TENM2: variants seen among roughly 807,000 people sequenced by gnomAD.
TENM2 encodes teneurin transmembrane protein 2, also known as teneurin-2.
A neutral mutation model predicts 245.2 loss-of-function variants in TENM2; 52 were observed. The ratio of observed to expected loss-of-function variants is 0.21; its 90% confidence interval spans 0.17 to 0.27. The LOEUF is 0.27. Among genes scored for constraint, TENM2 ranks in the 10% least tolerant of loss-of-function variants. TENM2 has a pLI of 1.00. For synonymous variants in TENM2, 1,363 were observed against 1,438.9 expected, an observed-to-expected ratio of 0.95 and a Z score of 1.19; for missense variants, 3,046 against 3,666.8, an observed-to-expected ratio of 0.83 and a Z score of 4.37.
chr5:167,105,092 T>G, the TENM2 span, among the ~76,000 whole-genome samples: 2 of 152,196 alleles, frequency 1.3e-5, no homozygotes, highest in African/African-American at 4.8e-5. Flanking sequence ...GTCAGACACG[T>G]ATTTCAAGGT....
intron 12 of TENM2, among the ~76,000 whole-genome samples, chr5:168,143,549 T>G (rs559197764): frequency 6.6e-6 from 1 of 152,170 alleles, no homozygotes; most frequent in African/African-American, 2.4e-5. Flanking sequence ...CTGGCCCCAG[T>G]GCCTGGGCGC....
chr5:167,527,099 C>G (rs1436576242), intron 2 of TENM2, among the ~76,000 whole-genome samples: 1 of 152,108 alleles, frequency 6.6e-6, no homozygotes, highest in African/African-American at 2.4e-5. Flanking sequence ...CACCCCTACT[C>G]ACCTATATCG....
chr5:167,400,235 C>T (rs1762285959), intron 2 of TENM2, among the ~76,000 whole-genome samples: 1 of 152,008 alleles, frequency 6.6e-6, no homozygotes, highest in Admixed American at 6.6e-5. Flanking sequence ...ATAATGGTCC[C>T]ATTTGGGCAA....
intron 2 of TENM2, among the ~76,000 whole-genome samples, chr5:167,779,950 T>C (rs2150825425): frequency 6.6e-6 from 1 of 152,334 alleles, no homozygotes; most frequent in East Asian, 1.9e-4. Flanking sequence ...ATGTACCAAA[T>C]GTTCTAATAA....
intron 2 of TENM2, among the ~76,000 whole-genome samples, chr5:167,626,837 C>G (rs1582583438): frequency 6.6e-6 from 1 of 152,304 alleles, no homozygotes; most frequent in African/African-American, 2.4e-5. Flanking sequence ...CTGACAAGGA[C>G]AGTCTGGTTC....
intron 2 of TENM2, among the ~76,000 whole-genome samples, chr5:167,417,987 T>A (rs1268769506): frequency 2.0e-5 from 3 of 152,200 alleles, no homozygotes; most frequent in Non-Finnish European, 4.4e-5. Flanking sequence ...TGTCACTAAG[T>A]ATTTGTGCTT....
chr5:167,889,070 CTT>C (rs578083678), intron 3 of TENM2, among the ~76,000 whole-genome samples: 21 of 152,244 alleles, frequency 1.4e-4, no homozygotes, highest in Admixed American at 3.9e-4. Context: ...CTTCACATCT[CTT>C]TGCTTTAAAA....
intron 28 of TENM2, 63 bp from the exon 31 acceptor site, chr5:168,261,986 A>G (rs1028289478): frequency 6.6e-7 from 1 of 1,513,446 alleles, no homozygotes; most frequent in African/African-American, 1.4e-5. Context: ...TCTCTTTGTG[A>G]CTCTTTTTGA....
chr5:167,669,707 C>T (rs1400391595), intron 2 of TENM2, among the ~76,000 whole-genome samples: 1 of 152,016 alleles, frequency 6.6e-6, no homozygotes, highest in Admixed American at 6.6e-5. Flanking sequence ...TTGTACTTTA[C>T]TGGGGACAGA....
At chr5:167,044,018 CAAAT>C in the TENM2 span, among the ~76,000 whole-genome samples, 3 of 116,122 alleles carry the variant, frequency 2.6e-5, no homozygotes, top group Admixed American at 8.7e-5. Context: ...GACTGCATCT[CAAAT>C]AAATAGTAAG....
intron 1 of TENM2, among the ~76,000 whole-genome samples, chr5:167,289,403 C>G (rs1754510503): frequency 1.3e-5 from 2 of 152,092 alleles, no homozygotes; most frequent in South Asian, 4.1e-4. Context: ...CGAGAGGGGG[C>G]CAAGATTGAA....
chr5:167,737,323 C>A (rs1760870771), intron 2 of TENM2, among the ~76,000 whole-genome samples: 1 of 152,164 alleles, frequency 6.6e-6, no homozygotes, highest in Non-Finnish European at 1.5e-5. Flanking sequence ...TTCTTCTGAT[C>A]AGAACATGCC....
At chr5:167,652,188 T>C (rs892728521) in intron 2 of TENM2, among the ~76,000 whole-genome samples, 6 of 152,204 alleles carry the variant, frequency 3.9e-5, no homozygotes, top group African/African-American at 1.4e-4. Flanking sequence ...GATTCATCTT[T>C]GGGACTGGAA....
intron 3 of TENM2, among the ~76,000 whole-genome samples, chr5:167,925,778 G>A (rs248139): frequency 0.34 from 51,217 of 152,146 alleles, 11,423 homozygotes; most frequent in African/African-American, 0.65. Flanking sequence ...GCCGCCATGA[G>A]AAGTACAAGA....
At chr5:167,910,107 G>A (rs1776433702) in intron 3 of TENM2, among the ~76,000 whole-genome samples, 1 of 152,116 alleles carries the variant, frequency 6.6e-6, no homozygotes, top group Non-Finnish European at 1.5e-5. Flanking sequence ...GCAACACAAT[G>A]AAAATGTTCT....
At chr5:166,995,943 G>A in the TENM2 span, among the ~76,000 whole-genome samples, 4 of 151,504 alleles carry the variant, frequency 2.6e-5, no homozygotes, top group Admixed American at 1.3e-4. Flanking sequence ...TCCTTGAATC[G>A]GTTGCCCATC....
chr5:167,002,976 CT>C, the TENM2 span, among the ~76,000 whole-genome samples: 23 of 148,174 alleles, frequency 1.6e-4, no homozygotes, highest in Admixed American at 6.8e-4. Flanking sequence ...TGCTTGATGA[CT>C]TTTTTTTTTC....
intron 7 of TENM2, among the ~76,000 whole-genome samples, chr5:168,079,641 G>T (rs1457918807): frequency 1.3e-5 from 2 of 152,002 alleles, no homozygotes; most frequent in African/African-American, 2.4e-5. Flanking sequence ...TAGCATGAAG[G>T]GCTGTTGAAT....
chr5:167,503,534 G>A (rs1026208703), intron 2 of TENM2, among the ~76,000 whole-genome samples: 4 of 150,628 alleles, frequency 2.7e-5, no homozygotes, highest in African/African-American at 9.7e-5. Context: ...TTTTTTGGTG[G>A]TTGGAAATAA....
Sources: allele counts gnomAD v4.1 joint callset (sites outside exome capture counted in the v4.1 genomes callset), GRCh38; gene constraint gnomAD v4.1.1; transcripts MANE v1.5; gene names NCBI Gene and HGNC (gene_info 2026-07-23, HGNC 2026-07-21).